Variants in RNF24 observed in about 807,000 individuals in gnomAD.
The protein encoded by RNF24 is ring finger protein 24.
A neutral mutation model predicts 20.0 loss-of-function variants in RNF24; 14 were observed. The ratio of observed to expected loss-of-function variants is 0.70; its 90% CI spans 0.46 to 1.10. RNF24 has a LOEUF of 1.10. RNF24 is among the 50% of genes least tolerant of loss of function. The pLI is 0.00. For missense variants in RNF24, 124 were observed against 177.6 expected (o/e 0.70, Z 1.71); for synonymous variants, 45 against 61.1 (o/e 0.74, Z 1.23).
intron 2 of RNF24, among the ~76,000 whole-genome samples, chr20:3,962,447 T>C (rs896167431): frequency 1.7e-4 from 26 of 152,130 alleles, no homozygotes; most frequent in Non-Finnish European, 1.2e-4. Flanking sequence ...CAAAAATATA[T>C]TAAATGCTGC....
chr20:3,936,219 C>T (rs898285297), intron 4 of RNF24, among the ~76,000 whole-genome samples: 2 of 152,188 alleles, frequency 1.3e-5, no homozygotes, highest in Non-Finnish European at 2.9e-5. Context: ...GAATGGATAA[C>T]TGTGCTCTGT....
chr20:3,977,858 C>T lies in RNF24; in HGVS notation c.-7-13834G>A, dbSNP rs1320284073. Among the ~76,000 whole-genome samples, 64 of 138,290 alleles carry T rather than the reference C, an allele frequency of 4.6e-4. No individual in the cohort carries two copies. In the East Asian group the frequency reaches 0.011, roughly 24 times the overall value. The allele number at this position is 138,290 out of a possible 152,430, so 90.7% of individuals were successfully genotyped here. A position where few individuals can be genotyped will look rare whatever the true frequency, so the allele number is the denominator to read the frequency against. On this transcript the variant is annotated intron_variant, in intron 1 of 5. Coordinates refer to ENST00000358395, the MANE Select transcript of RNF24 (RefSeq NM_001134337.3). ...CAGCCTGGGCGACACAGCGAGACTC[C>T]GTCTCAAAAAAAAAAAAAAAAAAGG...
chr20:3,946,251 G>A (rs1031793838), intron 3 of RNF24, among the ~76,000 whole-genome samples: 13 of 152,112 alleles, frequency 8.5e-5, no homozygotes, highest in African/African-American at 2.9e-4. Flanking sequence ...CGGACTGCTT[G>A]ATCCCAGGAG....
chr20:4,000,348 A>G (rs1161587528), intron 1 of RNF24, among the ~76,000 whole-genome samples: 1 of 151,982 alleles, frequency 6.6e-6, no homozygotes, highest in Non-Finnish European at 1.5e-5. Flanking sequence ...ACATGGTGAA[A>G]CCCTGTCTCT....
intron 2 of RNF24, among the ~76,000 whole-genome samples, chr20:3,951,187 G>C (rs1436945573): frequency 6.6e-6 from 1 of 152,176 alleles, no homozygotes; most frequent in Non-Finnish European, 1.5e-5. Context: ...TCAATCTCCT[G>C]ACCTCGTTAT....
chr20:3,944,671 A>C (rs2090996355), intron 4 of RNF24, among the ~76,000 whole-genome samples: 1 of 152,242 alleles, frequency 6.6e-6, no homozygotes, highest in Non-Finnish European at 1.5e-5. Context: ...TTTGTACTTA[A>C]GTTACAAAGC....
At chr20:3,943,419 G>C (rs1239927172) in intron 4 of RNF24, among the ~76,000 whole-genome samples, 1 of 151,734 alleles carries the variant, frequency 6.6e-6, no homozygotes, top group Non-Finnish European at 1.5e-5. Flanking sequence ...GAATCACACT[G>C]CCTGATTTTA....
At chr20:3,975,325 T>C (rs566008523) in intron 1 of RNF24, among the ~76,000 whole-genome samples, 1 of 152,160 alleles carries the variant, frequency 6.6e-6, no homozygotes, top group Admixed American at 6.5e-5. Context: ...TAAGAGAAGA[T>C]ATTTGGGATC....
intron 1 of RNF24, among the ~76,000 whole-genome samples, chr20:3,989,646 TTTG>T (rs1980255968): frequency 6.6e-6 from 1 of 152,206 alleles, no homozygotes; most frequent in South Asian, 2.1e-4. Flanking sequence ...TTCCTGCTGT[TTTG>T]TTGTGGGTAG....
intron 4 of RNF24, among the ~76,000 whole-genome samples, chr20:3,937,978 G>A (rs2090911885): frequency 6.6e-6 from 1 of 152,184 alleles, no homozygotes; most frequent in African/African-American, 2.4e-5. Context: ...GTATCAAGGA[G>A]TGGAATTGCT....
chr20:3,935,343 A>G (rs1231737855), intron 4 of RNF24, among the ~76,000 whole-genome samples: 2 of 152,220 alleles, frequency 1.3e-5, no homozygotes, highest in East Asian at 1.9e-4. Flanking sequence ...TCAGTGCATC[A>G]GAAGTGTGGG....
At position 3,931,728 on chromosome 20, in the gene RNF24, T is replaced by G. The variant is rs747358107; in HGVS notation, c.*2335A>C. ...ATTTTAAAACCAGTCCACATTCACATGTGCTGAGAAGGTTGTTAGTGGTCC... is the reference window on the plus strand; with the variant it reads ...ATTTTAAAACCAGTCCACATTCACAGGTGCTGAGAAGGTTGTTAGTGGTCC... On this transcript the variant is annotated 3_prime_UTR_variant, in exon 6 of 6. Transcript: ENST00000358395. 2 of 152,238 alleles carry G rather than the reference T, an allele frequency of 1.3e-5. No homozygotes were observed. Among genetic ancestry groups the G allele is most frequent in the Non-Finnish European group, 2.9e-5 (2 of 68,058 alleles). 9.4% of individuals were successfully genotyped at this position (152,238 alleles called of 1,614,324 possible).
In RNF24 at chr20:3,929,825, T is replaced by A. The variant is rs2090795117; in HGVS notation, c.*4238A>T. On this transcript the variant is annotated 3_prime_UTR_variant, in exon 6 of 6. Coordinates refer to ENST00000358395, the MANE Select transcript of RNF24 (RefSeq NM_001134337.3). The stretch of plus-strand genomic sequence containing the variant: ...GGGGTAAGGGAGGGACTGCAGATTC[T>A]GATTTGTACAGAAAACTAAAATTTC... 1 of 152,238 alleles carries A rather than the reference T, an allele frequency of 6.6e-6. No homozygotes were observed. The highest frequency in any genetic ancestry group is 6.5e-5 in the Admixed American group (1 of 15,280). 9.4% of individuals were successfully genotyped at this position (152,238 alleles called of 1,614,324 possible).
chr20:3,982,665 TC>T (rs1202155393), intron 1 of RNF24, among the ~76,000 whole-genome samples: 1 of 150,458 alleles, frequency 6.6e-6, no homozygotes, highest in Non-Finnish European at 1.5e-5. Flanking sequence ...GGTGGGAGGA[TC>T]CCTTGAGCCC....
At chr20:3,974,225 T>C (rs1464671251) in intron 1 of RNF24, 2 of 1,107,532 alleles carry the variant, frequency 1.8e-6, no homozygotes, top group Non-Finnish European at 1.3e-6. Flanking sequence ...TTCTTCAACA[T>C]GTTAAAAAGC....
chr20:3,934,965 C>A lies in RNF24; in HGVS notation c.308+29G>T. The A allele has an allele frequency of 6.3e-7, 1 of 1,591,702 alleles. No homozygotes were observed. Among genetic ancestry groups the A allele is most frequent in the South Asian group, 1.1e-5 (1 of 90,566 alleles). ...GGTTGATGTGCCTCAAACTCGGGTC[C>A]CATTAAGTAATTCCATACCAATACT... On this transcript the variant is annotated intron_variant, in intron 5 of 5. Transcript: ENST00000358395. The surrounding 1 kb of genome is among the most constrained non-coding windows in gnomAD (Gnocchi z 4.0).
chr20:3,959,315 C>T (rs981669129), intron 2 of RNF24, among the ~76,000 whole-genome samples: 1 of 152,162 alleles, frequency 6.6e-6, no homozygotes, highest in African/African-American at 2.4e-5. Flanking sequence ...CCCTTCTGTC[C>T]TTAATGTCCA....
At chr20:4,000,407 C>T (rs1465489373) in intron 1 of RNF24, among the ~76,000 whole-genome samples, 3 of 152,090 alleles carry the variant, frequency 2.0e-5, no homozygotes, top group Non-Finnish European at 2.9e-5. Context: ...TGCCTGTAAT[C>T]CCAGCTACTT....
At chr20:3,998,712 C>T (rs778495243) in intron 1 of RNF24, among the ~76,000 whole-genome samples, 32 of 146,250 alleles carry the variant, frequency 2.2e-4, no homozygotes, top group African/African-American at 2.3e-4. Context: ...GCCAAGATCA[C>T]GCCATTGTAC....
Sources: gnomAD v4.1 joint callset for allele counts (sites outside exome capture counted in the v4.1 genomes callset) on GRCh38, gnomAD v4.1.1 for gene constraint, Gnocchi (gnomAD v3.1) non-coding constraint, MANE v1.5 for transcripts, NCBI Gene and HGNC (gene_info 2026-07-23, HGNC 2026-07-21) for gene names.